Variants in CACNA1G observed in about 807,000 individuals in gnomAD.
The protein encoded by CACNA1G is calcium voltage-gated channel subunit alpha1 G.
In CACNA1G, 67 loss-of-function variants were observed where a neutral mutation model predicts 219.4. That is an observed-to-expected ratio of 0.31 (90% confidence interval 0.25 to 0.37). The LOEUF (loss-of-function observed/expected upper bound fraction) is 0.37. CACNA1G is among the 10% of genes least tolerant of loss of function. The pLI is 1.00. For synonymous variants in CACNA1G, 1,296 were observed against 1,345.3 expected (o/e 0.96, Z 0.80); for missense variants, 2,380 against 3,231.4 (o/e 0.74, Z 6.39).
intron 2 of CACNA1G, 34 bp downstream of exon 2, chr17:50,569,015 T>TGTGTGTGTGTGTTGTG: frequency 8.2e-7 from 1 of 1,225,446 alleles, no homozygotes; most frequent in East Asian, 2.6e-5. Context: ...TGTGTGTGTG[T>TGTGTGTGTGTGTTGTG]TGTGTGTGTT....
rs376414769 is a variant in CACNA1G at position 50,607,972 on chromosome 17, G to A, written c.4658G>A (p.Arg1553Gln). The change falls in exon 25 of 38, where the codon CGG becomes CAG. Residue 1553 changes from arginine (R) to glutamine (Q), a missense_variant. Coordinates refer to ENST00000359106, the MANE Select transcript of CACNA1G (RefSeq NM_018896.5). ...CAGCACCAGGAGGAAGAGGAGGCCCGGCGGCGGGAGGAGAAGCGCCTACGA... is the reference window on the plus strand; with the variant it reads ...CAGCACCAGGAGGAAGAGGAGGCCCAGCGGCGGGAGGAGAAGCGCCTACGA... ...CRQHQEEEEARRREEKRLRRL... is the reference protein window; with the variant it reads ...CRQHQEEEEAQRREEKRLRRL... 21 of 1,613,488 alleles carry A rather than the reference G, an allele frequency of 1.3e-5. No homozygotes were observed. The highest frequency in any genetic ancestry group is 5.5e-5 in the South Asian group (5 of 90,990).
chr17:50,589,056 T>A (rs2043605911), intron 9 of CACNA1G, among the ~76,000 whole-genome samples: 1 of 152,210 alleles, frequency 6.6e-6, no homozygotes, highest in Non-Finnish European at 1.5e-5. Flanking sequence ...TAACCCATAC[T>A]TTTTGAGCAG....
intron 1 of CACNA1G, among the ~76,000 whole-genome samples, chr17:50,563,978 G>A (rs761616045): frequency 3.3e-5 from 5 of 152,074 alleles, no homozygotes; most frequent in South Asian, 4.1e-4. Context: ...GTCCCTGTAC[G>A]CCTCTGAGCC....
intron 1 of CACNA1G, among the ~76,000 whole-genome samples, chr17:50,566,818 C>T (rs1242306698): frequency 6.6e-6 from 1 of 152,234 alleles, no homozygotes; most frequent in African/African-American, 2.4e-5. Context: ...ATGCCCCTGC[C>T]TGTCAGGAGC....
At chr17:50,593,989 G>C (rs1380179907) in intron 13 of CACNA1G, among the ~76,000 whole-genome samples, 1 of 152,208 alleles carries the variant, frequency 6.6e-6, no homozygotes, top group African/African-American at 2.4e-5. Flanking sequence ...AGGGGAGTCT[G>C]GTTTTGCTGT....
rs2052149255 is a variant in CACNA1G, at chr17:50,621,800, T to TAC, written c.6060+11_6060+12dup. The TAC allele has an allele frequency of 6.2e-7, 1 of 1,613,318 alleles. No individual in the cohort carries two copies. The highest frequency in any genetic ancestry group is 1.3e-5 in the African/African-American group (1 of 74,908). ...TTAGTGCCCTGGAGAGCAATGTACATACACACTGCCCTCACTGCTCCCGGC... is the reference window on the plus strand; with the variant it reads ...TTAGTGCCCTGGAGAGCAATGTACATACACACACTGCCCTCACTGCTCCCGGC... On this transcript the variant is annotated splice_region_variant and intron_variant, in intron 35 of 37. Transcript: ENST00000359106. The surrounding 1 kb of genome is among the most constrained non-coding windows in gnomAD (Gnocchi z 4.6).
rs1017253341 is a variant in CACNA1G at position 50,573,326 on chromosome 17, T to C, written c.1140+213T>C. The C allele has an allele frequency of 5.5e-6, 3 of 541,632 alleles. No individual in the cohort carries two copies. In the African/African-American group the frequency reaches 5.7e-5, roughly 10 times the overall value. 33.6% of individuals were successfully genotyped at this position (541,632 alleles called of 1,614,324 possible). On this transcript the variant is annotated intron_variant, in intron 7 of 37. Transcript: ENST00000359106. ...CGGGACTTAACTGCTATTGGGACCT[T>C]GGGCAAGTCATTCTCCATGAGGCCT...
At position 50,571,968 on chromosome 17, in the gene CACNA1G, G is replaced by C; in HGVS notation, c.677G>C (p.Gly226Ala). Residue 226 changes from glycine (G) to alanine (A), a missense_variant, in exon 5 of 38, where the codon GGC (glycine) becomes GCC (alanine). Physicochemically the swap from Gly to Ala is moderately conservative, Grantham distance 60 (BLOSUM62 0). This residue lies in a region of CACNA1G where 56 missense variants were observed against 135.8 expected (regional missense o/e 0.41). Coordinates refer to ENST00000359106, the MANE Select transcript of CACNA1G (RefSeq NM_018896.5). The surrounding 1 kb of genome is among the most constrained non-coding windows in gnomAD (Gnocchi z 4.3). ...LLCFFVFFIFGIVGVQLWAGL... is the reference protein window; with the variant it reads ...LLCFFVFFIFAIVGVQLWAGL... The stretch of plus-strand genomic sequence containing the variant: ...TGCTTCTTCGTCTTCTTCATCTTCG[G>C]CATCGTCGGCGTCCAGCTGTGGGCA... 1 of 1,613,944 alleles carries C rather than the reference G, an allele frequency of 6.2e-7. No homozygotes were observed. The highest frequency in any genetic ancestry group is 8.5e-7 in the Non-Finnish European group (1 of 1,179,838).
In CACNA1G at chr17:50,568,999, T is replaced by TGA. The variant is rs748117263; in HGVS notation, c.354+19_354+20insAG. 19 of 1,501,424 alleles carry TGA rather than the reference T, an allele frequency of 1.3e-5. No homozygotes were observed. Among genetic ancestry groups the TGA allele is most frequent in the Non-Finnish European group, 1.7e-5 (19 of 1,114,888 alleles). The allele number at this position is 1,501,424 out of a possible 1,614,324, so 93.0% of individuals were successfully genotyped here. A position where few individuals can be genotyped will look rare whatever the true frequency, so the allele number is the denominator to read the frequency against. ...TCCTGCAGGTGAGTGTGTGTGTGTG[T>TGA]GTGTGTGTGTGTGTGTTGTGTGTGT... is the stretch of plus-strand genomic sequence containing the variant. On this transcript the variant is annotated intron_variant, in intron 2 of 37. Transcript: ENST00000359106.
intron 9 of CACNA1G, among the ~76,000 whole-genome samples, chr17:50,579,804 T>G (rs2041540943): frequency 6.6e-6 from 1 of 151,992 alleles, no homozygotes; most frequent in Non-Finnish European, 1.5e-5. Flanking sequence ...CACAGCACCC[T>G]GTGAAAGGGG....
In CACNA1G at chr17:50,568,084, G is replaced by C. The variant is rs547597131; in HGVS notation, c.243-786G>C. Among the ~76,000 whole-genome samples, 4 of 152,292 alleles carry C rather than the reference G, an allele frequency of 2.6e-5. No homozygotes were observed. In the South Asian group the frequency reaches 8.3e-4, roughly 32 times the overall value. On this transcript the variant is annotated intron_variant, in intron 1 of 37. Coordinates refer to ENST00000359106, the MANE Select transcript of CACNA1G (RefSeq NM_018896.5). Reference sequence around the variant, plus strand: ...ATATGCCTAGTGGTCATTTGAGGGTGTTGAGAGGTTGGGAGGCTGGTGGTG... The same window carrying C: ...ATATGCCTAGTGGTCATTTGAGGGTCTTGAGAGGTTGGGAGGCTGGTGGTG...
In CACNA1G at chr17:50,575,626, G is replaced by A. The variant is rs373526821; in HGVS notation, c.1224G>A (p.Leu408=). The change falls in exon 8 of 38, where the codon CTG becomes CTA. Residue 408 remains leucine (L), a synonymous_variant. Transcript: ENST00000359106. ...AGACCAAGCAGCGGGAAAGCCAGCT[G>A]ATGCGGGAGCAGCGTGTGCGGTTCC... ...FSETKQRESQ[L]MREQRVRFLS... 6.2e-7 allele frequency: 1 copy of A among 1,613,782 alleles called. No individual in the cohort carries two copies. Among genetic ancestry groups the A allele is most frequent in the African/African-American group, 1.3e-5 (1 of 75,028 alleles).
chr17:50,569,845 G>A, intron 4 of CACNA1G, 42 bp downstream of exon 4: 1 of 1,453,950 alleles, frequency 6.9e-7, no homozygotes, highest in South Asian at 1.2e-5. Flanking sequence ...GAGAGCCCCA[G>A]GAGGAAATGT....
At chr17:50,580,342 G>GA (rs1442880584) in intron 9 of CACNA1G, among the ~76,000 whole-genome samples, 2 of 151,944 alleles carry the variant, frequency 1.3e-5, no homozygotes, top group Non-Finnish European at 2.9e-5. Flanking sequence ...CAGGCTCCCT[G>GA]AACCTCAGCC....
Position 50,626,090 on chromosome 17 carries a change from G to T in CACNA1G, c.6473G>T (p.Gly2158Val). Residue 2158 changes from glycine to valine, a missense_variant, in exon 38 of 38, where the codon GGG becomes GTG. Physicochemically the swap from Gly to Val is moderately radical, Grantham distance 109. Transcript: ENST00000359106. This position sits in a 1 kb window ranked among gnomAD's most constrained non-coding sequence, Gnocchi z 4.3. ...GAAGACCTGCTGGCAGAGGTGAGTG[G>T]GCCCTCCCCGCCCCTGGCCCGGGCC... Reference protein sequence around the residue: ...SREDLLAEVSGPSPPLARAYS... With the variant: ...SREDLLAEVSVPSPPLARAYS... 1 of 1,613,562 alleles carries T rather than the reference G, an allele frequency of 6.2e-7. No individual in the cohort carries two copies. Among genetic ancestry groups the T allele is most frequent in the African/African-American group, 1.3e-5 (1 of 75,016 alleles).
chr17:50,597,988 G>A (rs896069662), intron 16 of CACNA1G, among the ~76,000 whole-genome samples: 4 of 152,078 alleles, frequency 2.6e-5, no homozygotes, highest in Non-Finnish European at 5.9e-5. Context: ...TCTTTTTTAA[G>A]GCTGAATATT....
chr17:50,601,468 G>A (rs182107812), intron 19 of CACNA1G, among the ~76,000 whole-genome samples: 1 of 152,344 alleles, frequency 6.6e-6, no homozygotes, highest in African/African-American at 2.4e-5. Flanking sequence ...GTCGGGGAGT[G>A]CTGGGGCGGT....
rs376374854 is a variant in CACNA1G at position 50,590,639 on chromosome 17, G to A, written c.2453+17G>A. 3.5e-5 allele frequency: 56 copies of A among 1,605,890 alleles called. No individual in the cohort carries two copies. The highest frequency in any genetic ancestry group is 4.5e-5 in the Non-Finnish European group (53 of 1,177,420). Reference sequence around the variant, plus strand: ...GGTCATCAGGTATGACTACCCCCCGGCACTGACTCTCAGTTGAGGAATGGT... The same window carrying A: ...GGTCATCAGGTATGACTACCCCCCGACACTGACTCTCAGTTGAGGAATGGT... On this transcript the variant is annotated intron_variant, in intron 10 of 37. Coordinates refer to ENST00000359106, the MANE Select transcript of CACNA1G (RefSeq NM_018896.5).
intron 13 of CACNA1G, 48 bp from the exon 14 acceptor site, chr17:50,594,945 G>T: frequency 6.9e-7 from 1 of 1,449,214 alleles, no homozygotes. Flanking sequence ...TGAAGGCCCC[G>T]AGCGCCTGTG....
Sources: gnomAD v4.1 joint callset for allele counts (sites outside exome capture counted in the v4.1 genomes callset) on GRCh38, gnomAD v4.1.1 for gene constraint, gnomAD v4.1.1 regional missense constraint, Gnocchi (gnomAD v3.1) non-coding constraint, MANE v1.5 for transcripts, NCBI Gene and HGNC (gene_info 2026-07-23, HGNC 2026-07-21) for gene names.